OVCH2: variants seen among roughly 807,000 people sequenced by gnomAD.
The protein encoded by OVCH2 is ovochymase 2.
A neutral mutation model predicts 73.7 loss-of-function variants in OVCH2; 88 were observed. That is an observed-to-expected ratio of 1.19 (90% CI 1.01 to 1.43). The LOEUF (loss-of-function observed/expected upper bound fraction) is 1.43. OVCH2 is among the 40% of genes most tolerant of loss of function. The pLI, the probability that OVCH2 is intolerant of heterozygous loss-of-function variation, is 0.00. For synonymous variants in OVCH2, 265 were observed against 234.5 expected (o/e 1.13, Z -1.19); for missense variants, 706 against 674.5 (o/e 1.05, Z -0.52).
chr11:7,695,522 T>G (rs1488614876), intron 11 of OVCH2, 48 bp downstream of exon 11: 1 of 1,548,334 alleles, frequency 6.5e-7, no homozygotes, highest in Non-Finnish European at 8.8e-7. Flanking sequence ...GGGCCTAAGC[T>G]TCTACAGAAG....
At chr11:7,695,754 A>C (rs777539044) in intron 10 of OVCH2, 44 bp from the exon 11 acceptor site, 2 of 1,564,804 alleles carry the variant, frequency 1.3e-6, no homozygotes, top group Admixed American at 1.9e-5. Flanking sequence ...AATCTAGAAA[A>C]TAGTTCCCAT....
At chr11:7,681,757 A>G in the OVCH2 span, among the ~76,000 whole-genome samples, 1 of 151,084 alleles carries the variant, frequency 6.6e-6, no homozygotes, top group East Asian at 2.0e-4. Flanking sequence ...TTTCCAGTGG[A>G]GAATTCCACC....
At chr11:7,696,855 C>T (rs565670410) in intron 8 of OVCH2, 56 bp from the exon 9 acceptor site, 2 of 1,505,204 alleles carry the variant, frequency 1.3e-6, no homozygotes, top group East Asian at 2.4e-5. Context: ...CCACAGCAGC[C>T]CCTCCCTCCA....
chr11:7,680,472 G>A, the OVCH2 span, among the ~76,000 whole-genome samples: 1 of 152,116 alleles, frequency 6.6e-6, no homozygotes, highest in Non-Finnish European at 1.5e-5. Context: ...ATCCGGGTGG[G>A]CCTGATGTGA....
Position 7,701,376 on chromosome 11 carries a change from C to A in OVCH2, c.659G>T (p.Gly220Val). The A allele has an allele frequency of 6.2e-7, 1 of 1,613,264 alleles. No homozygotes were observed. Residue 220 changes from glycine (G) to valine (V), a missense_variant, in exon 6 of 16, where the codon GGG becomes GTG. Transcript: ENST00000533663. ...AAAACCTGTGCAAAGAAAGGTCTTC[C>A]CACTGATGGGCCTCTTTAGTGTTAA... ...ALLTLKRPIS[G>V]KTFLCTGFPD...
chr11:7,687,594 T>C (rs1856156768), downstream of OVCH2, among the ~76,000 whole-genome samples: 1 of 152,134 alleles, frequency 6.6e-6, no homozygotes, highest in East Asian at 1.9e-4. Context: ...ACTGTGGAAT[T>C]CTGACTCACT....
At chr11:7,698,617 G>A in intron 8 of OVCH2, 133 bp downstream of exon 8, 3 of 836,688 alleles carry the variant, frequency 3.6e-6, no homozygotes, top group Non-Finnish European at 5.5e-6. Context: ...AATGGCTGTA[G>A]GTGCTCCAGG....
At chr11:7,706,138 A>G in intron 1 of OVCH2, 169 bp downstream of exon 1, 1 of 634,378 alleles carries the variant, frequency 1.6e-6, no homozygotes, top group Non-Finnish European at 2.7e-6. Flanking sequence ...CCTGTGTCCT[A>G]TGCCGATTGC....
Position 7,704,656 on chromosome 11 carries a change from C to T in OVCH2, c.107G>A (p.Ser36Asn), listed in dbSNP as rs1235898383. Reference sequence around the variant, plus strand: ...ATTCCAAGGCTGTACCTTAACCAGACTCTGCCCACAACTGGGAGCTGAGAA... The same window carrying T: ...ATTCCAAGGCTGTACCTTAACCAGATTCTGCCCACAACTGGGAGCTGAGAA... ...SLPKAPSCGQ[S>N]LVKVQPWNYF... The change falls in exon 2 of 16, where the codon AGT becomes AAT. Residue 36 changes from serine to asparagine, a missense_variant. By Grantham distance (46) the Ser-to-Asn change is conservative (BLOSUM62 1). Transcript: ENST00000533663. 6.2e-7 allele frequency: 1 copy of T among 1,611,946 alleles called. No homozygotes were observed. Among genetic ancestry groups the T allele is most frequent in the African/African-American group, 1.3e-5 (1 of 74,838 alleles).
downstream of OVCH2, among the ~76,000 whole-genome samples, chr11:7,688,490 C>T (rs538252864): frequency 2.0e-5 from 3 of 152,068 alleles, no homozygotes; most frequent in East Asian, 3.9e-4. Context: ...TTTTTCCACC[C>T]GGGGCTTCTT....
downstream of OVCH2, among the ~76,000 whole-genome samples, chr11:7,687,634 A>G (rs1856157264): frequency 1.3e-5 from 2 of 152,116 alleles, no homozygotes; most frequent in African/African-American, 4.8e-5. Context: ...CAGTGGCCAA[A>G]TCCAAAGGCC....
intron 3 of OVCH2, 69 bp from the exon 4 acceptor site, chr11:7,702,398 C>A: frequency 8.3e-7 from 1 of 1,208,512 alleles, no homozygotes; most frequent in East Asian, 2.6e-5. Context: ...ATGGTTGACA[C>A]ACTAGCTTCT....
At chr11:7,683,013 T>A in the OVCH2 span, among the ~76,000 whole-genome samples, 1 of 152,352 alleles carries the variant, frequency 6.6e-6, no homozygotes, top group South Asian at 2.1e-4. Flanking sequence ...TCTCAGTCAA[T>A]GCTCCTCATT....
chr11:7,691,391 C>A lies in OVCH2; in HGVS notation c.1517G>T (p.Cys506Phe), dbSNP rs1180867905. 1.9e-6 allele frequency: 3 copies of A among 1,612,320 alleles called. No individual in the cohort carries two copies. The Admixed American group carries it at 5.0e-5, about 27-fold the overall frequency. The change falls in exon 14 of 16, where the codon TGT becomes TTT. Residue 506 changes from cysteine to phenylalanine, a missense_variant. Cys to Phe is a radical substitution (Grantham distance 205, BLOSUM62 -2). Transcript: ENST00000533663. ...CACAGGGGTGGGGACATCATAGCCA[C>A]ACAGCCGAGCTTGTTGAAGGCCAGC... ...VERKKEIARL[C>F]GYDVPTPVLS...
At chr11:7,699,615 G>T (rs1006649125) in intron 7 of OVCH2, 17 of 152,046 alleles carry the variant, frequency 1.1e-4, no homozygotes, top group African/African-American at 3.6e-4. Context: ...ATCCACAGTT[G>T]GTTGAATCTG....
chr11:7,703,677 C>T (rs763931017), intron 3 of OVCH2, 21 bp downstream of exon 3: 5 of 1,570,564 alleles, frequency 3.2e-6, no homozygotes, highest in South Asian at 1.2e-5. Flanking sequence ...GGTCTTCACT[C>T]ATGGGCTAGG....
Position 7,706,380 on chromosome 11 carries a change from C to T in OVCH2, c.15G>A (p.Arg5=), listed in dbSNP as rs549397369. 2 of 1,576,790 alleles carry T rather than the reference C, an allele frequency of 1.3e-6. No homozygotes were observed. The highest frequency in any genetic ancestry group is 1.8e-5 in the Admixed American group (1 of 54,634). The change falls in exon 1 of 16, where the codon AGG becomes AGA. Residue 5 remains arginine (R), a synonymous_variant. Coordinates refer to ENST00000533663, the MANE Select transcript of OVCH2 (RefSeq NM_198185.7). ...TTCCTAGTAGTAAAATCAGCTTGTT[C>T]CTGCTTATAAGCATTTTGAGACTCA... is the stretch of plus-strand genomic sequence containing the variant. MLIS[R]NKLILLLGIV...
intron 8 of OVCH2, chr11:7,697,012 C>A: frequency 1.9e-6 from 1 of 532,752 alleles, no homozygotes; most frequent in African/African-American, 2.1e-5. Context: ...GTTTTCTTTC[C>A]TTAACTCTTC....
intron 14 of OVCH2, 29 bp downstream of exon 14, chr11:7,691,240 C>T (rs4509745): frequency 0.6 from 951,140 of 1,573,480 alleles, 293,466 homozygotes; most frequent in Non-Finnish European, 0.64. Flanking sequence ...GAACTGGGAA[C>T]CAAAGAGTTG....
Sources: allele counts gnomAD v4.1 joint callset (sites outside exome capture counted in the v4.1 genomes callset), GRCh38; gene constraint gnomAD v4.1.1; transcripts MANE v1.5; gene names NCBI Gene and HGNC (gene_info 2026-07-23, HGNC 2026-07-21).